CCDC62: variants seen among roughly 807,000 people sequenced by gnomAD.
The protein encoded by CCDC62 is coiled-coil domain-containing protein 62.
CCDC62 carries 72 observed loss-of-function variants against 80.8 expected under a neutral mutation model. The ratio of observed to expected loss-of-function variants is 0.89; its 90% CI spans 0.74 to 1.08. The LOEUF (loss-of-function observed/expected upper bound fraction) is 1.08. CCDC62 is among the 50% of genes least tolerant of loss of function. CCDC62 has a pLI of 0.00. For missense variants in CCDC62, 704 were observed against 809.4 expected (o/e 0.87, Z 1.58); for synonymous variants, 286 against 296.5 (o/e 0.96, Z 0.36).
chr12:122,811,625 T>C (rs2031891270), intron 10 of CCDC62, among the ~76,000 whole-genome samples: 3 of 149,608 alleles, frequency 2.0e-5, no homozygotes, highest in Admixed American at 1.3e-4. Flanking sequence ...ATCGAGACCA[T>C]CCTGACCAAC....
Position 122,797,289 on chromosome 12 carries a change from A to G in CCDC62, c.773-18A>G, listed in dbSNP as rs772582286. 1 of 1,233,826 alleles carries G rather than the reference A, an allele frequency of 8.1e-7. No homozygotes were observed. Among genetic ancestry groups the G allele is most frequent in the Non-Finnish European group, 1.2e-6 (1 of 834,652 alleles). The allele number at this position is 1,233,826 out of a possible 1,614,324, so 76.4% of individuals were successfully genotyped here. A position where few individuals can be genotyped will look rare whatever the true frequency, so the allele number is the denominator to read the frequency against. On this transcript the variant is annotated intron_variant, in intron 6 of 12. Coordinates refer to ENST00000253079, the MANE Select transcript of CCDC62 (RefSeq NM_201435.5). ...CTATAGCTGATGAAAAATGTTAATAATACTTGTTCTTAAATAGTAGAGAGA... is the reference window on the plus strand; with the variant it reads ...CTATAGCTGATGAAAAATGTTAATAGTACTTGTTCTTAAATAGTAGAGAGA...
chr12:122,818,528 G>C (rs569050191), intron 11 of CCDC62, among the ~76,000 whole-genome samples: 47 of 152,142 alleles, frequency 3.1e-4, no homozygotes, highest in South Asian at 1.7e-3. Context: ...GGAGGTTGAG[G>C]GGGGAGGATC....
intron 9 of CCDC62, among the ~76,000 whole-genome samples, chr12:122,803,872 G>A (rs371348181): frequency 1.1e-4 from 16 of 152,192 alleles, no homozygotes; most frequent in African/African-American, 3.4e-4. Context: ...GAGCATAGAG[G>A]ATTAAATTTA....
intron 9 of CCDC62, among the ~76,000 whole-genome samples, chr12:122,804,063 A>G (rs2031451087): frequency 6.6e-6 from 1 of 152,242 alleles, no homozygotes; most frequent in South Asian, 2.1e-4. Flanking sequence ...TCCATAGATT[A>G]TAAGAACTTG....
intron 11 of CCDC62, among the ~76,000 whole-genome samples, chr12:122,818,216 G>T (rs2032248496): frequency 6.6e-6 from 1 of 152,088 alleles, no homozygotes; most frequent in African/African-American, 2.4e-5. Flanking sequence ...ACTTTGGGAG[G>T]CCGAGGCAGG....
chr12:122,820,842 A>T (rs1405909612), intron 11 of CCDC62, among the ~76,000 whole-genome samples: 5 of 722 alleles, frequency 6.9e-3, no homozygotes, highest in African/African-American at 0.044. Flanking sequence ...CTCTGTCTCA[A>T]AAAAAAAAAA....
At chr12:122,806,102 A>G (rs2031582849) in intron 9 of CCDC62, 49 bp from the exon 10 acceptor site, 2 of 1,544,044 alleles carry the variant, frequency 1.3e-6, no homozygotes, top group Non-Finnish European at 8.9e-7. Flanking sequence ...TGATCTATGT[A>G]TGATATTGTT....
rs80014074 is a variant in CCDC62 at position 122,793,775 on chromosome 12, G to A, written c.772+1654G>A. ...CGACCTAAGAAGTTTTAAGTGAAAT[G>A]GAATTCTTAATTTTAATCTCTTGTG... On this transcript the variant is annotated intron_variant, in intron 6 of 12. Coordinates refer to ENST00000253079, the MANE Select transcript of CCDC62 (RefSeq NM_201435.5). Among the ~76,000 whole-genome samples the A allele has an allele frequency of 2.2e-3, 341 of 152,144 alleles. 1 individual carries two copies. The highest frequency in any genetic ancestry group is 7.5e-3 in the African/African-American group (310 of 41,498).
intron 10 of CCDC62, among the ~76,000 whole-genome samples, chr12:122,808,975 G>T (rs369694029): frequency 6.6e-6 from 1 of 152,166 alleles, no homozygotes; most frequent in Non-Finnish European, 1.5e-5. Context: ...AGGTATCTCA[G>T]TGTGGTTTTA....
chr12:122,821,404 T>C (rs1173660551), intron 11 of CCDC62, among the ~76,000 whole-genome samples: 1 of 152,170 alleles, frequency 6.6e-6, no homozygotes, highest in East Asian at 1.9e-4. Flanking sequence ...TGGATGGCAA[T>C]TGTATGCAGT....
intron 10 of CCDC62, among the ~76,000 whole-genome samples, chr12:122,807,529 C>CAAAAAAAAA (rs35131700): frequency 9.5e-6 from 1 of 104,754 alleles, no homozygotes; most frequent in Non-Finnish European, 1.8e-5. Context: ...GACTCTGTCT[C>CAAAAAAAAA]AAAAAAAAAA....
intron 9 of CCDC62, among the ~76,000 whole-genome samples, chr12:122,805,340 A>AT (rs2031541027): frequency 7.4e-6 from 1 of 134,230 alleles, no homozygotes. Flanking sequence ...TTTTGTCTTA[A>AT]TTCTTTTTTT....
intron 5 of CCDC62, among the ~76,000 whole-genome samples, chr12:122,790,567 G>A (rs1468529652): frequency 1.3e-5 from 2 of 152,086 alleles, no homozygotes; most frequent in African/African-American, 4.8e-5. Context: ...CAAAGTGAAA[G>A]GATTTCTTGA....
At chr12:122,780,483 A>G (rs989381546) in intron 2 of CCDC62, among the ~76,000 whole-genome samples, 1 of 149,390 alleles carries the variant, frequency 6.7e-6, no homozygotes, top group Non-Finnish European at 1.5e-5. Flanking sequence ...GCGTGGTGGC[A>G]GGCACCTGTA....
chr12:122,796,755 T>G (rs1361398781), intron 6 of CCDC62, among the ~76,000 whole-genome samples: 2 of 152,100 alleles, frequency 1.3e-5, no homozygotes, highest in Admixed American at 6.6e-5. Context: ...TTTTATCTTT[T>G]AAAATTTTTA....
At chr12:122,819,083 C>G (rs929961772) in intron 11 of CCDC62, among the ~76,000 whole-genome samples, 1 of 152,072 alleles carries the variant, frequency 6.6e-6, no homozygotes, top group Non-Finnish European at 1.5e-5. Context: ...ACTGTTGGCT[C>G]CAGATATCAT....
chr12:122,775,784 T>C (rs1879411627), intron 1 of CCDC62, among the ~76,000 whole-genome samples: 1 of 152,190 alleles, frequency 6.6e-6, no homozygotes, highest in Non-Finnish European at 1.5e-5. Context: ...AGCTAATTTT[T>C]GTGTTTTTAG....
intron 10 of CCDC62, among the ~76,000 whole-genome samples, chr12:122,811,526 TAA>T (rs142704099): frequency 7.0e-6 from 1 of 142,144 alleles, no homozygotes; most frequent in African/African-American, 2.6e-5. Flanking sequence ...TAAGTTTTCT[TAA>T]AAAAAAAAAA....
At chr12:122,804,902 G>A (rs1472346900) in intron 9 of CCDC62, among the ~76,000 whole-genome samples, 1 of 80,162 alleles carries the variant, frequency 1.2e-5, no homozygotes, top group African/African-American at 5.0e-5. Context: ...TTTTTTTTTT[G>A]AGATGAAGTT....
Sources: allele counts gnomAD v4.1 joint callset (sites outside exome capture counted in the v4.1 genomes callset), GRCh38; gene constraint gnomAD v4.1.1; transcripts MANE v1.5; gene names NCBI Gene and HGNC (gene_info 2026-07-23, HGNC 2026-07-21).